The following HCRTR2 variants were observed in gnomAD, a reference collection of about 807,000 sequenced individuals.
HCRTR2 encodes hypocretin receptor 2, also known as orexin receptor type 2.
In HCRTR2, 22 loss-of-function variants were observed where a neutral mutation model predicts 49.0. The ratio of observed to expected loss-of-function variants is 0.45; its 90% CI spans 0.32 to 0.64. HCRTR2 has a LOEUF of 0.64. Ranked by LOEUF, HCRTR2 falls within the 30% of genes least tolerant of loss-of-function variation. HCRTR2 has a pLI of 0.04. For missense variants in HCRTR2, 491 were observed against 559.4 expected (o/e 0.88, Z 1.23); for synonymous variants, 236 against 205.3 (o/e 1.15, Z -1.28).
chr6:55,222,857 T>C (rs554557353), intron 1 of HCRTR2, among the ~76,000 whole-genome samples: 259 of 152,310 alleles, frequency 1.7e-3, no homozygotes, highest in African/African-American at 6.1e-3. Flanking sequence ...AAAGATCTGA[T>C]GTACAATAAT....
chr6:55,146,678 C>T (rs1764584921), intron 1 of HCRTR2, among the ~76,000 whole-genome samples: 1 of 150,886 alleles, frequency 6.6e-6, no homozygotes, highest in African/African-American at 2.4e-5. Flanking sequence ...CTACATTATT[C>T]TGCCTAGGGA....
At chr6:55,153,833 G>GA (rs1764694877) in intron 1 of HCRTR2, among the ~76,000 whole-genome samples, 1 of 151,464 alleles carries the variant, frequency 6.6e-6, no homozygotes, top group Non-Finnish European at 1.5e-5. Flanking sequence ...GAAAAAATTA[G>GA]AAAAAGTGGA....
intron 1 of HCRTR2, among the ~76,000 whole-genome samples, chr6:55,203,267 G>A (rs1276424976): frequency 3.3e-5 from 5 of 152,144 alleles, no homozygotes; most frequent in African/African-American, 1.2e-4. Flanking sequence ...AACAAGCATA[G>A]CTCCAAGCTC....
At chr6:55,249,804 G>A (rs901594210) in intron 2 of HCRTR2, among the ~76,000 whole-genome samples, 1 of 152,040 alleles carries the variant, frequency 6.6e-6, no homozygotes, top group African/African-American at 2.4e-5. Flanking sequence ...CTAAAAGATG[G>A]ATTTCCCTTA....
Position 55,197,873 on chromosome 6 carries a change from G to A in HCRTR2, c.223+23063G>A, listed in dbSNP as rs143771045. Among the ~76,000 whole-genome samples the A allele has an allele frequency of 7.6e-3, 1,152 of 152,024 alleles. 7 individuals are homozygous for A. Among genetic ancestry groups the A allele is most frequent in the African/African-American group, 0.026 (1,059 of 41,500 alleles). ...CCTGACCTTGTGATCTGCCTGCCTCGGCCTCCCAAAGTGCTGGGATTACAG... is the reference window on the plus strand; with the variant it reads ...CCTGACCTTGTGATCTGCCTGCCTCAGCCTCCCAAAGTGCTGGGATTACAG... On this transcript the variant is annotated intron_variant, in intron 1 of 6. Coordinates refer to ENST00000370862, the MANE Select transcript of HCRTR2 (RefSeq NM_001384272.1).
chr6:55,279,520 A>AAC (rs34736199), intron 5 of HCRTR2, among the ~76,000 whole-genome samples: 4,655 of 142,728 alleles, frequency 0.033, 154 homozygotes, highest in East Asian at 0.12. Flanking sequence ...TTCTTGCTGT[A>AAC]ACACACACAC....
chr6:55,247,975 T>C (rs1766477891), intron 1 of HCRTR2, among the ~76,000 whole-genome samples: 1 of 152,096 alleles, frequency 6.6e-6, no homozygotes, highest in African/African-American at 2.4e-5. Flanking sequence ...GTTATAGCTG[T>C]AGTTTTATAT....
At chr6:55,192,827 T>C (rs1765343661) in intron 1 of HCRTR2, among the ~76,000 whole-genome samples, 1 of 152,234 alleles carries the variant, frequency 6.6e-6, no homozygotes, top group Non-Finnish European at 1.5e-5. Flanking sequence ...TTCTGCTAAA[T>C]GTTATCTTTA....
chr6:55,112,265 T>G (rs1284864899), intron 1 of HCRTR2, among the ~76,000 whole-genome samples: 2 of 152,022 alleles, frequency 1.3e-5, no homozygotes, highest in Non-Finnish European at 2.9e-5. Flanking sequence ...ACCACTTCTA[T>G]TCAACGTAGT....
At chr6:55,106,723 T>G (rs1336626836) in intron 1 of HCRTR2, among the ~76,000 whole-genome samples, 1 of 152,150 alleles carries the variant, frequency 6.6e-6, no homozygotes, top group Non-Finnish European at 1.5e-5. Flanking sequence ...CCACCAAGCA[T>G]TCTACAGATT....
At chr6:55,156,905 T>C (rs1230714408) in intron 1 of HCRTR2, among the ~76,000 whole-genome samples, 1 of 152,156 alleles carries the variant, frequency 6.6e-6, no homozygotes, top group Non-Finnish European at 1.5e-5. Flanking sequence ...AAAGAACATC[T>C]ACAACGAAAC....
chr6:55,206,268 G>A (rs1003433918), intron 1 of HCRTR2, among the ~76,000 whole-genome samples: 3 of 151,978 alleles, frequency 2.0e-5, no homozygotes, highest in Non-Finnish European at 4.4e-5. Context: ...ATTTGAATTT[G>A]TAATATCTGA....
At chr6:55,132,502 T>C (rs549327207) in intron 1 of HCRTR2, among the ~76,000 whole-genome samples, 1 of 152,010 alleles carries the variant, frequency 6.6e-6, no homozygotes, top group East Asian at 1.9e-4. Context: ...TTAACAGCAT[T>C]AGATGTTACA....
In HCRTR2 at chr6:55,206,929, G is replaced by C. The variant is rs780098341; in HGVS notation, c.223+32119G>C. Among the ~76,000 whole-genome samples the C allele has an allele frequency of 2.0e-5, 3 of 151,970 alleles. No homozygotes were observed. In the South Asian group the frequency reaches 6.2e-4, roughly 31 times the overall value. ...TCATGCAGTGAAAAAAAATACACTT[G>C]TCTAGAAGACAGGAGACTTCATTAT... On this transcript the variant is annotated intron_variant, in intron 1 of 6. Coordinates refer to ENST00000370862, the MANE Select transcript of HCRTR2 (RefSeq NM_001384272.1).
At chr6:55,209,995 C>G (rs1765669461) in intron 1 of HCRTR2, among the ~76,000 whole-genome samples, 1 of 152,020 alleles carries the variant, frequency 6.6e-6, no homozygotes, top group Non-Finnish European at 1.5e-5. Flanking sequence ...TTACCTTGGT[C>G]AAGTTTGTAA....
Position 55,279,692 on chromosome 6 carries a change from G to T in HCRTR2, c.984-631G>T, listed in dbSNP as rs978654752. The stretch of plus-strand genomic sequence containing the variant: ...TAGATGGAATATTTCTAAGTATGGA[G>T]AAAATTTTTTAATAGTCTTTAAGGA... On this transcript the variant is annotated intron_variant, in intron 5 of 6. Transcript: ENST00000370862. Among the ~76,000 whole-genome samples the T allele has an allele frequency of 2.0e-5, 3 of 151,936 alleles. No homozygotes were observed. The South Asian group carries it at 6.2e-4, about 32-fold the overall frequency.
At chr6:55,249,028 G>A (rs1581856068) in intron 2 of HCRTR2, among the ~76,000 whole-genome samples, 1 of 152,178 alleles carries the variant, frequency 6.6e-6, no homozygotes, top group East Asian at 1.9e-4. Flanking sequence ...ATTAGATGCT[G>A]CACAAACATT....
intron 4 of HCRTR2, among the ~76,000 whole-genome samples, chr6:55,274,444 T>C (rs2127329316): frequency 6.6e-6 from 1 of 151,532 alleles, no homozygotes; most frequent in African/African-American, 2.4e-5. Flanking sequence ...ATTGATTTTT[T>C]TGTTTATTGA....
Position 55,282,605 on chromosome 6 carries a change from A to G in HCRTR2, c.*151A>G, listed in dbSNP as rs200795196. 6 of 615,562 alleles carry G rather than the reference A, an allele frequency of 9.7e-6. No individual in the cohort carries two copies. The highest frequency in any genetic ancestry group is 1.7e-5 in the Non-Finnish European group (6 of 350,360). The allele number at this position is 615,562 out of a possible 1,614,324, so 38.1% of individuals were successfully genotyped here. A position where few individuals can be genotyped will look rare whatever the true frequency, so the allele number is the denominator to read the frequency against. ...TATTGCTCTTTGGAAATAAAAAAAA[A>G]GTCAGTTTAAAATGATTTCTCAACT... On this transcript the variant is annotated 3_prime_UTR_variant, in exon 7 of 7. Transcript: ENST00000370862.
Sources: allele counts gnomAD v4.1 joint callset (sites outside exome capture counted in the v4.1 genomes callset), GRCh38; gene constraint gnomAD v4.1.1; transcripts MANE v1.5; gene names NCBI Gene and HGNC (gene_info 2026-07-23, HGNC 2026-07-21).